The following DEPDC1B variants were observed in gnomAD, a reference collection of about 807,000 sequenced individuals.
DEPDC1B encodes DEP domain containing 1B.
In DEPDC1B, 51 loss-of-function variants were observed where a neutral mutation model predicts 66.5. The ratio of observed to expected loss-of-function variants is 0.77; its 90% CI spans 0.61 to 0.97. The LOEUF is 0.97. DEPDC1B is among the 50% of genes least tolerant of loss of function. The pLI is 0.00. For synonymous variants in DEPDC1B, 226 were observed against 223.6 expected, an observed-to-expected ratio of 1.01 and a Z score of -0.10; for missense variants, 552 against 637.1, an observed-to-expected ratio of 0.87 and a Z score of 1.44.
At chr5:60,682,263 G>C (rs1174817413) in intron 2 of DEPDC1B, among the ~76,000 whole-genome samples, 1 of 152,060 alleles carries the variant, frequency 6.6e-6, no homozygotes, top group Non-Finnish European at 1.5e-5. Context: ...ACTATCGCAA[G>C]GACAAAAAAC....
chr5:60,640,592 G>A (rs527540381), intron 6 of DEPDC1B, among the ~76,000 whole-genome samples: 4 of 152,128 alleles, frequency 2.6e-5, no homozygotes, highest in African/African-American at 9.7e-5. Context: ...CATGCGCAAA[G>A]AAGAAAAACA....
chr5:60,695,817 G>T (rs1247160971), intron 1 of DEPDC1B, among the ~76,000 whole-genome samples: 1 of 151,444 alleles, frequency 6.6e-6, no homozygotes, highest in Non-Finnish European at 1.5e-5. Context: ...TATTTTTTTT[G>T]AGACAGAGTC....
chr5:60,638,887 G>A lies in DEPDC1B; in HGVS notation c.761C>T (p.Pro254Leu). 1 of 1,606,086 alleles carries A rather than the reference G, an allele frequency of 6.2e-7. No individual in the cohort carries two copies. The highest frequency in any genetic ancestry group is 8.5e-7 in the Non-Finnish European group (1 of 1,177,814). ...AGGCTGCTTCAAATCAGAACAGTTG[G>A]GCCCTATTTTCAAAAAGAGAGTGAA... ...LSAMKCLANW[P>L]NCSDLKQPMY... The change falls in exon 7 of 11, where the codon CCC becomes CTC. Residue 254 changes from proline (P) to leucine (L), a missense_variant. By Grantham distance (98) the Pro-to-Leu change is moderately conservative. Transcript: ENST00000265036.
chr5:60,620,546 C>T (rs1584036625), intron 7 of DEPDC1B, among the ~76,000 whole-genome samples: 1 of 152,200 alleles, frequency 6.6e-6, no homozygotes, highest in African/African-American at 2.4e-5. Flanking sequence ...AAAATGCTCA[C>T]CATCACTGGC....
chr5:60,685,381 C>T (rs181114829), intron 2 of DEPDC1B, among the ~76,000 whole-genome samples: 1 of 149,678 alleles, frequency 6.7e-6, no homozygotes, highest in Admixed American at 6.6e-5. Context: ...AATGAACTTT[C>T]AGGTAGTAAA....
intron 2 of DEPDC1B, among the ~76,000 whole-genome samples, chr5:60,666,071 G>A (rs113240930): frequency 7.9e-5 from 12 of 152,192 alleles, no homozygotes; most frequent in South Asian, 6.2e-4. Flanking sequence ...CTGAGCTTTC[G>A]CTCGCCGTCC....
intron 8 of DEPDC1B, among the ~76,000 whole-genome samples, chr5:60,604,218 C>T (rs115041925): frequency 0.038 from 2,575 of 68,176 alleles, 8 homozygotes; most frequent in Admixed American, 0.048. Flanking sequence ...ATTAACTATT[C>T]TTTTTTTTTT....
chr5:60,600,593 G>A (rs891301227), intron 9 of DEPDC1B, among the ~76,000 whole-genome samples: 1 of 152,172 alleles, frequency 6.6e-6, no homozygotes, highest in Non-Finnish European at 1.5e-5. Flanking sequence ...TGGAACAGGT[G>A]CTTGGCAATT....
At chr5:60,666,447 A>C (rs1386475899) in intron 2 of DEPDC1B, among the ~76,000 whole-genome samples, 2 of 149,350 alleles carry the variant, frequency 1.3e-5, no homozygotes, top group Non-Finnish European at 3.0e-5. Context: ...AAGAACAAAG[A>C]CCCCCCCCAT....
At chr5:60,611,506 A>G (rs1009814443) in intron 7 of DEPDC1B, among the ~76,000 whole-genome samples, 6 of 152,258 alleles carry the variant, frequency 3.9e-5, no homozygotes, top group Admixed American at 1.3e-4. Flanking sequence ...AGAAGTCACA[A>G]GCTAGGCCTC....
At chr5:60,677,326 A>ACACACTCTCTCTCTCTCTCTCT (rs770640655) in intron 2 of DEPDC1B, among the ~76,000 whole-genome samples, 2 of 108,564 alleles carry the variant, frequency 1.8e-5, no homozygotes, top group African/African-American at 7.9e-5. Flanking sequence ...ACACACACAC[A>ACACACTCTCTCTCTCTCTCTCT]CTCTCTCTCT....
chr5:60,613,632 T>C (rs1465311271), intron 7 of DEPDC1B, among the ~76,000 whole-genome samples: 1 of 152,130 alleles, frequency 6.6e-6, no homozygotes, highest in Non-Finnish European at 1.5e-5. Flanking sequence ...TCAGGAATAT[T>C]AAAATATAAT....
chr5:60,691,073 A>G (rs1201578284), intron 1 of DEPDC1B, among the ~76,000 whole-genome samples: 2 of 116,732 alleles, frequency 1.7e-5, no homozygotes, highest in Non-Finnish European at 3.4e-5. Flanking sequence ...TTTTTTTTTG[A>G]GACGGAGTCT....
At chr5:60,641,931 T>C (rs1753201147) in intron 6 of DEPDC1B, among the ~76,000 whole-genome samples, 1 of 152,230 alleles carries the variant, frequency 6.6e-6, no homozygotes, top group African/African-American at 2.4e-5. Context: ...ATAGAATGAA[T>C]GAATAGCATT....
rs1219768852 is a variant in DEPDC1B at position 60,648,122 on chromosome 5, T to C, written c.315-589A>G. On this transcript the variant is annotated intron_variant, in intron 2 of 10. Coordinates refer to ENST00000265036, the MANE Select transcript of DEPDC1B (RefSeq NM_018369.3). ...CATAATTTTTTGGGGCTAAAGGCCA[T>C]TTGAAGCAAATATGGAAAAGTGCTT... The C allele has an allele frequency of 2.6e-5, 4 of 152,342 alleles. No homozygotes were observed. The East Asian group carries it at 7.7e-4, about 29-fold the overall frequency. The allele number at this position is 152,342 out of a possible 1,614,324, so 9.4% of individuals were successfully genotyped here.
At chr5:60,647,310 A>T (rs1753341502) in intron 3 of DEPDC1B, 88 bp downstream of exon 3, 1 of 1,468,314 alleles carries the variant, frequency 6.8e-7, no homozygotes, top group Non-Finnish European at 9.0e-7. Context: ...ATTATTGTTC[A>T]TAAAGGACCA....
intron 7 of DEPDC1B, among the ~76,000 whole-genome samples, chr5:60,620,661 G>A (rs540684086): frequency 0.019 from 2,853 of 152,254 alleles, 109 homozygotes; most frequent in African/African-American, 0.065. Flanking sequence ...AGAGGATGTG[G>A]AGAAATAGGA....
chr5:60,608,908 A>T (rs1752363894), intron 7 of DEPDC1B, among the ~76,000 whole-genome samples: 1 of 152,162 alleles, frequency 6.6e-6, no homozygotes, highest in African/African-American at 2.4e-5. Context: ...CAGGAGCTTA[A>T]GACCAGCCTG....
At chr5:60,674,083 G>A (rs1203675912) in intron 2 of DEPDC1B, among the ~76,000 whole-genome samples, 1 of 151,794 alleles carries the variant, frequency 6.6e-6, no homozygotes, top group Non-Finnish European at 1.5e-5. Context: ...TAATAACTAG[G>A]CATCATGAAT....
Sources: gnomAD v4.1 joint callset for allele counts (sites outside exome capture counted in the v4.1 genomes callset) on GRCh38, gnomAD v4.1.1 for gene constraint, MANE v1.5 for transcripts, NCBI Gene and HGNC (gene_info 2026-07-23, HGNC 2026-07-21) for gene names.